Variants in FUT8 observed in about 807,000 individuals in gnomAD.
FUT8 encodes the protein fucosyltransferase 8.
Under a neutral mutation model 71.3 loss-of-function variants are expected in FUT8, and 29 were observed. The observed-to-expected ratio is 0.41, with a 90% CI of 0.30 to 0.55. The LOEUF is 0.55. Ranked by LOEUF, FUT8 falls within the 20% of genes least tolerant of loss-of-function variation. The pLI is 0.34. For missense variants in FUT8, 544 were observed against 702.1 expected (o/e 0.77, Z 2.55); for synonymous variants, 254 against 239.3 (o/e 1.06, Z -0.57).
chr14:65,632,997 TCTCCCCTC>T (rs1020883480), intron 6 of FUT8, among the ~76,000 whole-genome samples: 1 of 108,898 alleles, frequency 9.2e-6, no homozygotes, highest in African/African-American at 4.3e-5. Context: ...CCCTCTCCCC[TCTCCCCTC>T]CCCCCCCCCG....
chr14:65,670,599 C>T (rs1456472585), intron 7 of FUT8, among the ~76,000 whole-genome samples: 1 of 151,994 alleles, frequency 6.6e-6, no homozygotes, highest in Non-Finnish European at 1.5e-5. Flanking sequence ...AACTGAGGCA[C>T]TTCAGTTAAT....
chr14:65,542,776 A>T (rs1278230386), intron 2 of FUT8, among the ~76,000 whole-genome samples: 3 of 151,948 alleles, frequency 2.0e-5, no homozygotes, highest in Admixed American at 1.3e-4. Flanking sequence ...GTTGTATATG[A>T]CTAGGAATTT....
intron 3 of FUT8, among the ~76,000 whole-genome samples, chr14:65,586,421 A>C (rs986771221): frequency 3.9e-5 from 6 of 152,214 alleles, no homozygotes; most frequent in African/African-American, 1.4e-4. Flanking sequence ...GTCTCTCTTG[A>C]AAAATATATC....
chr14:65,666,641 G>A (rs1448153337), intron 6 of FUT8, among the ~76,000 whole-genome samples: 1 of 152,076 alleles, frequency 6.6e-6, no homozygotes, highest in East Asian at 1.9e-4. Flanking sequence ...CCAAAAAATT[G>A]AGGAGGAGAG....
chr14:65,612,035 CTG>C (rs1434074093), intron 3 of FUT8, among the ~76,000 whole-genome samples: 2 of 152,166 alleles, frequency 1.3e-5, no homozygotes, highest in African/African-American at 4.8e-5. Flanking sequence ...GTCATAATAA[CTG>C]TTATTTCTAT....
rs1891900451 is a variant in FUT8, at chr14:65,660,363, A to G, written c.598-8880A>G. ...TTTAAAGCATTTAATAGAGACTTTC[A>G]GGTAAAGAGCAAAAGTTTTTAAAAT... On this transcript the variant is annotated intron_variant, in intron 6 of 10. Transcript: ENST00000673929. This position sits in a 1 kb window ranked among gnomAD's most constrained non-coding sequence, Gnocchi z 4.1. Among the ~76,000 whole-genome samples, 1 of 152,222 alleles carries G rather than the reference A, an allele frequency of 6.6e-6. No individual in the cohort carries two copies. Among genetic ancestry groups the G allele is most frequent in the Non-Finnish European group, 1.5e-5 (1 of 68,032 alleles).
chr14:65,457,488 G>A (rs2065909351), intron 2 of FUT8, among the ~76,000 whole-genome samples: 1 of 152,100 alleles, frequency 6.6e-6, no homozygotes, highest in Admixed American at 6.5e-5. Flanking sequence ...GTAGCAAGAC[G>A]AGCTGCAGAC....
intron 3 of FUT8, among the ~76,000 whole-genome samples, chr14:65,604,520 T>G (rs1009023836): frequency 6.6e-6 from 1 of 151,862 alleles, no homozygotes; most frequent in Non-Finnish European, 1.5e-5. Flanking sequence ...AACAATGAAA[T>G]CAAACGGAAA....
intron 3 of FUT8, among the ~76,000 whole-genome samples, chr14:65,569,136 T>A (rs1384987766): frequency 6.8e-6 from 1 of 147,476 alleles, no homozygotes; most frequent in African/African-American, 2.5e-5. Context: ...CTGAGTTTAC[T>A]TTTTTTTTTG....
chr14:65,467,744 G>T lies in FUT8; in HGVS notation c.-228+12026G>T, dbSNP rs2139613887. The T allele has an allele frequency of 1.9e-6, 1 of 532,108 alleles. No homozygotes were observed. The highest frequency in any genetic ancestry group is 1.8e-5 in the South Asian group (1 of 54,970). The allele number at this position is 532,108 out of a possible 1,614,324, so 33.0% of individuals were successfully genotyped here. Reference sequence around the variant, plus strand: ...CCGCCTCAGCCTCCCAAAGTGCTGGGATTACAGGTGTGAGCCACCGTGCCC... The same window carrying T: ...CCGCCTCAGCCTCCCAAAGTGCTGGTATTACAGGTGTGAGCCACCGTGCCC... On this transcript the variant is annotated intron_variant, in intron 2 of 10. Coordinates refer to ENST00000673929, the MANE Select transcript of FUT8 (RefSeq NM_001371533.1). This position sits in a 1 kb window ranked among gnomAD's most constrained non-coding sequence, Gnocchi z 4.1.
At chr14:65,476,119 A>G (rs931716540) in intron 2 of FUT8, among the ~76,000 whole-genome samples, 1 of 152,166 alleles carries the variant, frequency 6.6e-6, no homozygotes, top group East Asian at 1.9e-4. Context: ...GAGCACCTAC[A>G]CTATAGGATA....
At chr14:65,484,518 T>A (rs139539123) in intron 2 of FUT8, among the ~76,000 whole-genome samples, 1,827 of 152,122 alleles carry the variant, frequency 0.012, 14 homozygotes, top group South Asian at 0.024. Flanking sequence ...TTTTTTAAAG[T>A]TTTTTATTAG....
At chr14:65,471,728 G>A (rs1470946886) in intron 2 of FUT8, among the ~76,000 whole-genome samples, 1 of 151,766 alleles carries the variant, frequency 6.6e-6, no homozygotes, top group African/African-American at 2.4e-5. Context: ...TCTAAGAAGA[G>A]TTGGATTATC....
intron 3 of FUT8, among the ~76,000 whole-genome samples, chr14:65,610,728 T>C (rs958511217): frequency 6.6e-6 from 1 of 151,940 alleles, no homozygotes; most frequent in African/African-American, 2.4e-5. Context: ...ATTAGACTTT[T>C]GTTAAGTCCT....
chr14:65,439,954 G>GTGTGTATATATATA lies in FUT8; in HGVS notation c.-325-15666_-325-15665insGTGTATATATATAT. ...ATAAAGAAAATGTGTGTGTGTGTGT[G>GTGTGTATATATATA]TATATATATATATATATATATATAT... On this transcript the variant is annotated intron_variant, in intron 1 of 10. Transcript: ENST00000673929. Among the ~76,000 whole-genome samples, 161 of 74,910 alleles carry GTGTGTATATATATA rather than the reference G, an allele frequency of 2.1e-3. 2 individuals carry two copies. The highest frequency in any genetic ancestry group is 0.015 in the East Asian group (24 of 1,630). The allele number at this position is 74,910 out of a possible 152,430, so 49.1% of individuals were successfully genotyped here. A position where few individuals can be genotyped will look rare whatever the true frequency, so the allele number is the denominator to read the frequency against.
intron 1 of FUT8, among the ~76,000 whole-genome samples, chr14:65,442,906 C>T (rs1373079391): frequency 6.6e-6 from 1 of 151,546 alleles, no homozygotes; most frequent in Non-Finnish European, 1.5e-5. Flanking sequence ...AAGTGGTCAT[C>T]AGAAACAGGG....
chr14:65,656,241 C>A (rs1891676223), intron 6 of FUT8, among the ~76,000 whole-genome samples: 1 of 151,934 alleles, frequency 6.6e-6, no homozygotes, highest in African/African-American at 2.4e-5. Context: ...ACTACTAGAA[C>A]TGATAAATTC....
chr14:65,478,242 C>T (rs1220227138), intron 2 of FUT8, among the ~76,000 whole-genome samples: 1 of 151,950 alleles, frequency 6.6e-6, no homozygotes, highest in African/African-American at 2.4e-5. Context: ...CACAGGAGTC[C>T]CCAAGGCCCC....
At chr14:65,378,444 T>A in the FUT8 span, among the ~76,000 whole-genome samples, 1 of 152,190 alleles carries the variant, frequency 6.6e-6, no homozygotes, top group Non-Finnish European at 1.5e-5. Flanking sequence ...TGAAAATGTT[T>A]GTTTTGTATC....
Sources: gnomAD v4.1 joint callset for allele counts (sites outside exome capture counted in the v4.1 genomes callset) on GRCh38, gnomAD v4.1.1 for gene constraint, Gnocchi (gnomAD v3.1) non-coding constraint, MANE v1.5 for transcripts, NCBI Gene and HGNC (gene_info 2026-07-23, HGNC 2026-07-21) for gene names.